Variants in GAB1 observed in about 807,000 individuals in gnomAD.
The protein encoded by GAB1 is GRB2-associated-binding protein 1.
GAB1 carries 19 observed loss-of-function variants against 66.5 expected under a neutral mutation model. That is an observed-to-expected ratio of 0.29 (90% CI 0.20 to 0.42). GAB1 has a LOEUF of 0.42. GAB1 is among the 10% of genes least tolerant of loss of function. GAB1 has a pLI of 1.00. For synonymous variants in GAB1, 294 were observed against 301.4 expected (o/e 0.98, Z 0.25); for missense variants, 732 against 858.5 (o/e 0.85, Z 1.84).
At chr4:143,419,424 A>G (rs1273316764) in intron 2 of GAB1, among the ~76,000 whole-genome samples, 3 of 152,134 alleles carry the variant, frequency 2.0e-5, no homozygotes, top group Non-Finnish European at 2.9e-5. Context: ...AGAACTCCCA[A>G]TTCCTTACAA....
In GAB1 at chr4:143,472,330, A is replaced by T. The variant is rs1201658847; in HGVS notation, c.*3141A>T. 1.3e-5 allele frequency: 2 copies of T among 152,154 alleles called. No homozygotes were observed. Among genetic ancestry groups the T allele is most frequent in the African/African-American group, 4.8e-5 (2 of 41,442 alleles). 9.4% of individuals were successfully genotyped at this position (152,154 alleles called of 1,614,324 possible). On this transcript the variant is annotated 3_prime_UTR_variant, in exon 10 of 10. Transcript: ENST00000262994. ...TAGACTAAATTTAATTTGATATAGAAATACTACTTTACTTGTACATTAAGG... is the reference window on the plus strand; with the variant it reads ...TAGACTAAATTTAATTTGATATAGATATACTACTTTACTTGTACATTAAGG...
At chr4:143,382,485 G>A (rs1578630088) in intron 1 of GAB1, among the ~76,000 whole-genome samples, 1 of 152,240 alleles carries the variant, frequency 6.6e-6, no homozygotes, top group African/African-American at 2.4e-5. Context: ...GGGAAACTAT[G>A]CTTTTGTTAT....
chr4:143,431,759 G>A (rs779269904), intron 2 of GAB1, among the ~76,000 whole-genome samples: 38 of 152,178 alleles, frequency 2.5e-4, no homozygotes, highest in Non-Finnish European at 5.0e-4. Context: ...TTCCAAGGAC[G>A]TAAAACAAGA....
Position 143,450,687 on chromosome 4 carries a change from T to G in GAB1, c.1586-8698T>G, listed in dbSNP as rs145515653. 5.6e-3 allele frequency among the ~76,000 whole-genome samples: 852 copies of G among 152,202 alleles called. 10 individuals are homozygous for G. The highest frequency in any genetic ancestry group is 0.019 in the African/African-American group (799 of 41,546). ...GGCAGATCACCTGAGGTCAGGAGTT[T>G]GAGACCAGCCTGACCAACATGGTGA... On this transcript the variant is annotated intron_variant, in intron 6 of 9. Coordinates refer to ENST00000262994, the MANE Select transcript of GAB1 (RefSeq NM_002039.4).
In GAB1 at chr4:143,469,269, C is replaced by A; in HGVS notation, c.*80C>A. On this transcript the variant is annotated 3_prime_UTR_variant, in exon 10 of 10. Coordinates refer to ENST00000262994, the MANE Select transcript of GAB1 (RefSeq NM_002039.4). ...CCTTTTGAAGAATGACTTGACACTT[C>A]CACTCTAGGTAGATCCTCAAATGAG... is the stretch of plus-strand genomic sequence containing the variant. The A allele has an allele frequency of 7.1e-7, 1 of 1,408,846 alleles. No homozygotes were observed. Among genetic ancestry groups the A allele is most frequent in the Non-Finnish European group, 9.8e-7 (1 of 1,022,724 alleles). The allele number at this position is 1,408,846 out of a possible 1,614,324, so 87.3% of individuals were successfully genotyped here. A position where few individuals can be genotyped will look rare whatever the true frequency, so the allele number is the denominator to read the frequency against.
chr4:143,354,077 T>A (rs994164147), intron 1 of GAB1, among the ~76,000 whole-genome samples: 1 of 152,210 alleles, frequency 6.6e-6, no homozygotes, highest in African/African-American at 2.4e-5. Flanking sequence ...TGTATGCTGG[T>A]GGAGACCCAA....
At chr4:143,452,320 A>G (rs891444860) in intron 6 of GAB1, among the ~76,000 whole-genome samples, 3 of 152,148 alleles carry the variant, frequency 2.0e-5, no homozygotes, top group Non-Finnish European at 4.4e-5. Flanking sequence ...GAAGGGCTTT[A>G]GCTTTTAAGA....
chr4:143,360,551 A>G (rs1428283596), intron 1 of GAB1, among the ~76,000 whole-genome samples: 2 of 152,190 alleles, frequency 1.3e-5, no homozygotes, highest in African/African-American at 4.8e-5. Flanking sequence ...AATAGAAGGA[A>G]AAAAAGGTGA....
intron 6 of GAB1, among the ~76,000 whole-genome samples, chr4:143,458,841 G>A (rs1484337777): frequency 6.6e-6 from 1 of 151,846 alleles, no homozygotes; most frequent in Non-Finnish European, 1.5e-5. Context: ...CGTTTTGTTT[G>A]TTTCCAGACT....
intron 2 of GAB1, chr4:143,417,393 C>G: frequency 2.4e-6 from 1 of 419,722 alleles, no homozygotes; most frequent in Non-Finnish European, 4.8e-6. Context: ...ACCTCGGGTA[C>G]TTTTTTATTA....
At chr4:143,446,100 A>C (rs1269901589) in intron 6 of GAB1, among the ~76,000 whole-genome samples, 1 of 152,020 alleles carries the variant, frequency 6.6e-6, no homozygotes, top group Non-Finnish European at 1.5e-5. Flanking sequence ...AATTTCATCC[A>C]TGTCCCTACA....
intron 2 of GAB1, among the ~76,000 whole-genome samples, chr4:143,431,168 C>T (rs1733631453): frequency 6.6e-6 from 1 of 152,150 alleles, no homozygotes; most frequent in African/African-American, 2.4e-5. Context: ...ATTTGCCAAC[C>T]TCCGGGTTGA....
chr4:143,426,579 C>T (rs1440156032), intron 2 of GAB1, among the ~76,000 whole-genome samples: 3 of 152,102 alleles, frequency 2.0e-5, no homozygotes, highest in African/African-American at 4.8e-5. Flanking sequence ...ACAAACAGAG[C>T]GCTCAGTGAG....
intron 7 of GAB1, among the ~76,000 whole-genome samples, chr4:143,459,966 A>G (rs1735398193): frequency 6.6e-6 from 1 of 152,188 alleles, no homozygotes; most frequent in Non-Finnish European, 1.5e-5. Flanking sequence ...AAATGTATAT[A>G]GGGAATTGAG....
chr4:143,388,221 ATCT>A (rs1211211253), intron 1 of GAB1, among the ~76,000 whole-genome samples: 3 of 151,790 alleles, frequency 2.0e-5, no homozygotes, highest in African/African-American at 4.8e-5. Context: ...TATGTTTCTA[ATCT>A]TCTTGCAGAG....
In GAB1 at chr4:143,466,315, A is replaced by G. The variant is rs1055278532; in HGVS notation, c.1926+90A>G. On this transcript the variant is annotated intron_variant, in intron 9 of 9. Coordinates refer to ENST00000262994, the MANE Select transcript of GAB1 (RefSeq NM_002039.4). Reference sequence around the variant, plus strand: ...TATTTCCTTTGGGATAATTTTATTAAGTTATGTTTAATATAAATTTAGTCT... The same window carrying G: ...TATTTCCTTTGGGATAATTTTATTAGGTTATGTTTAATATAAATTTAGTCT... The G allele has an allele frequency of 2.2e-5, 29 of 1,304,640 alleles. No homozygotes were observed. The African/African-American group carries it at 4.2e-4, about 19-fold the overall frequency. 80.8% of individuals were successfully genotyped at this position (1,304,640 alleles called of 1,614,324 possible).
At chr4:143,432,861 T>A (rs977261855) in intron 2 of GAB1, among the ~76,000 whole-genome samples, 1 of 152,178 alleles carries the variant, frequency 6.6e-6, no homozygotes, top group Non-Finnish European at 1.5e-5. Context: ...TGGACCTCTT[T>A]CCATGAAAAT....
intron 3 of GAB1, among the ~76,000 whole-genome samples, chr4:143,436,007 T>C (rs968360285): frequency 3.3e-5 from 5 of 152,212 alleles, no homozygotes; most frequent in Admixed American, 6.5e-5. Context: ...AGCAAGGAGC[T>C]TTACTTATTA....
chr4:143,454,411 C>G (rs947354146), intron 6 of GAB1, among the ~76,000 whole-genome samples: 14 of 152,206 alleles, frequency 9.2e-5, no homozygotes, highest in African/African-American at 3.1e-4. Flanking sequence ...TTGAGATACA[C>G]AGACCAAGTG....
Sources: gnomAD v4.1 joint callset for allele counts (sites outside exome capture counted in the v4.1 genomes callset) on GRCh38, gnomAD v4.1.1 for gene constraint, MANE v1.5 for transcripts, NCBI Gene and HGNC (gene_info 2026-07-23, HGNC 2026-07-21) for gene names.